The following CSMD3 variants were observed in gnomAD, a reference collection of about 807,000 sequenced individuals.
CSMD3 encodes the protein CUB and Sushi multiple domains 3.
In CSMD3, 177 loss-of-function variants were observed where a neutral mutation model predicts 435.2. The observed-to-expected ratio is 0.41, with a 90% CI of 0.36 to 0.46. The LOEUF (loss-of-function observed/expected upper bound fraction) is 0.46, where lower values mean the gene tolerates loss of function less well. Among genes scored for constraint, CSMD3 ranks in the 20% least tolerant of loss-of-function variants. CSMD3 has a pLI of 0.34. For synonymous variants in CSMD3, 1,656 were observed against 1,520.5 expected (o/e 1.09, Z -2.07); for missense variants, 4,265 against 4,504.6 (o/e 0.95, Z 1.52).
intron 32 of CSMD3, among the ~76,000 whole-genome samples, chr8:112,465,697 G>C (rs1478572989): frequency 6.6e-6 from 1 of 152,108 alleles, no homozygotes; most frequent in Non-Finnish European, 1.5e-5. Context: ...AAAAGAGGCT[G>C]GGTGTGGCGG....
intron 1 of CSMD3, among the ~76,000 whole-genome samples, chr8:113,344,098 T>A (rs1017707695): frequency 2.0e-5 from 3 of 152,076 alleles, no homozygotes; most frequent in African/African-American, 7.2e-5. Context: ...AATCTAGGAG[T>A]GTGAAGAAGA....
At chr8:113,301,709 A>T (rs561570168) in intron 2 of CSMD3, among the ~76,000 whole-genome samples, 168 of 152,138 alleles carry the variant, frequency 1.1e-3, no homozygotes, top group African/African-American at 3.9e-3. Context: ...AAACTGGGTG[A>T]CTGTAAACTT....
chr8:113,197,781 T>G (rs891558751), intron 3 of CSMD3, among the ~76,000 whole-genome samples: 20 of 151,278 alleles, frequency 1.3e-4, no homozygotes, highest in African/African-American at 4.8e-4. Flanking sequence ...AATCATTTTA[T>G]GACAATCTTA....
chr8:112,510,259 C>T (rs961529563), intron 28 of CSMD3, among the ~76,000 whole-genome samples: 3 of 152,168 alleles, frequency 2.0e-5, no homozygotes, highest in Admixed American at 6.5e-5. Context: ...TATGTATATG[C>T]ATAAAATTCT....
chr8:113,387,000 G>A (rs894456973), intron 1 of CSMD3, among the ~76,000 whole-genome samples: 6 of 151,632 alleles, frequency 4.0e-5, no homozygotes, highest in African/African-American at 1.2e-4. Context: ...CTAAACCTGG[G>A]AAAATGATCT....
At chr8:112,511,808 C>G (rs1823174172) in intron 28 of CSMD3, among the ~76,000 whole-genome samples, 1 of 152,170 alleles carries the variant, frequency 6.6e-6, no homozygotes, top group Non-Finnish European at 1.5e-5. Flanking sequence ...ACACTCCTCT[C>G]AAATTCTGCC....
chr8:113,171,919 T>C (rs1465226785), intron 4 of CSMD3, among the ~76,000 whole-genome samples: 2 of 152,192 alleles, frequency 1.3e-5, no homozygotes, highest in African/African-American at 4.8e-5. Flanking sequence ...ACGGAGATAG[T>C]GCTCCCTCCA....
intron 38 of CSMD3, among the ~76,000 whole-genome samples, chr8:112,359,390 G>C (rs745419922): frequency 6.6e-6 from 1 of 151,974 alleles, no homozygotes; most frequent in Non-Finnish European, 1.5e-5. Context: ...GCAATTAATT[G>C]TTCAATATTT....
intron 12 of CSMD3, among the ~76,000 whole-genome samples, chr8:112,808,235 C>CT (rs2079139288): frequency 6.6e-6 from 1 of 152,080 alleles, no homozygotes; most frequent in Non-Finnish European, 1.5e-5. Flanking sequence ...GGTCTGAAGT[C>CT]TTTCCGTCTT....
chr8:112,874,869 C>T (rs2081235642), intron 10 of CSMD3, among the ~76,000 whole-genome samples: 1 of 152,184 alleles, frequency 6.6e-6, no homozygotes, highest in African/African-American at 2.4e-5. Flanking sequence ...GACTCTTTAT[C>T]CAATCTGCCA....
At chr8:112,451,920 A>G (rs938357200) in intron 32 of CSMD3, among the ~76,000 whole-genome samples, 1 of 152,190 alleles carries the variant, frequency 6.6e-6, no homozygotes, top group African/African-American at 2.4e-5. Flanking sequence ...TTTTAAAACA[A>G]AGGTTGAGAT....
intron 32 of CSMD3, among the ~76,000 whole-genome samples, chr8:112,420,443 C>T (rs1396254445): frequency 6.6e-6 from 1 of 152,078 alleles, no homozygotes; most frequent in Non-Finnish European, 1.5e-5. Context: ...CATCAAATAA[C>T]TATTTCTTGT....
chr8:112,440,308 C>G (rs536807770), intron 32 of CSMD3, among the ~76,000 whole-genome samples: 1 of 152,258 alleles, frequency 6.6e-6, no homozygotes, highest in East Asian at 1.9e-4. Context: ...GTCTCACATC[C>G]AGGTTATACT....
At chr8:113,097,264 T>C (rs942090813) in intron 5 of CSMD3, among the ~76,000 whole-genome samples, 1 of 152,112 alleles carries the variant, frequency 6.6e-6, no homozygotes, top group Non-Finnish European at 1.5e-5. Flanking sequence ...ATTTTGATTT[T>C]TACTAGAATT....
At chr8:113,240,550 C>G (rs867251851) in intron 3 of CSMD3, among the ~76,000 whole-genome samples, 1 of 152,110 alleles carries the variant, frequency 6.6e-6, no homozygotes, top group African/African-American at 2.4e-5. Flanking sequence ...TCTATGACAA[C>G]TTCTAAGTTT....
chr8:112,737,712 G>A (rs1248384749), intron 13 of CSMD3, among the ~76,000 whole-genome samples: 1 of 151,858 alleles, frequency 6.6e-6, no homozygotes. Context: ...GTGGCTGAAT[G>A]TGCTAAAAAC....
intron 4 of CSMD3, among the ~76,000 whole-genome samples, chr8:113,135,847 G>A (rs1450464488): frequency 6.6e-6 from 1 of 151,608 alleles, no homozygotes; most frequent in Non-Finnish European, 1.5e-5. Flanking sequence ...TAAGAAATTT[G>A]AATTAAGCCT....
chr8:112,809,582 A>G (rs1002284752), intron 12 of CSMD3, among the ~76,000 whole-genome samples: 1 of 152,186 alleles, frequency 6.6e-6, no homozygotes, highest in African/African-American at 2.4e-5. Flanking sequence ...TATTAAAAAA[A>G]TGTTATTTGT....
chr8:113,129,247 C>T (rs1169051472), intron 4 of CSMD3, among the ~76,000 whole-genome samples: 1 of 152,056 alleles, frequency 6.6e-6, no homozygotes, highest in Non-Finnish European at 1.5e-5. Context: ...CTTATTTCTT[C>T]TTGGGGGATA....
Sources: allele counts gnomAD v4.1 joint callset (sites outside exome capture counted in the v4.1 genomes callset), GRCh38; gene constraint gnomAD v4.1.1; transcripts MANE v1.5; gene names NCBI Gene and HGNC (gene_info 2026-07-23, HGNC 2026-07-21).